Variants in CIITA observed in about 807,000 individuals in gnomAD.
CIITA encodes the protein MHC class II transactivator.
Under a neutral mutation model 115.1 loss-of-function variants are expected in CIITA, and 72 were observed. The observed-to-expected ratio is 0.63, with a 90% confidence interval of 0.52 to 0.76. CIITA has a LOEUF of 0.76. Ranked by LOEUF, CIITA falls within the 30% of genes least tolerant of loss-of-function variation. The probability of loss-of-function intolerance (pLI) is 0.00; values close to 1 mark genes in which losing one functional copy is unlikely to be tolerated. For synonymous variants in CIITA, 763 were observed against 635.6 expected (o/e 1.20, Z -3.02); for missense variants, 1,617 against 1,463.8 (o/e 1.10, Z -1.71).
downstream of CIITA, chr16:10,938,460 T>C (rs947907924): frequency 2.6e-5 from 4 of 152,128 alleles, no homozygotes; most frequent in African/African-American, 9.7e-5. This position sits in a 1 kb window ranked among gnomAD's most constrained non-coding sequence, Gnocchi z 4.9. Flanking sequence ...TCCACGCCCT[T>C]AGTCACTGTT....
In CIITA at chr16:10,923,433, C is replaced by G; in HGVS notation, c.*22+108C>G. 1.2e-6 allele frequency: 1 copy of G among 853,592 alleles called. No individual in the cohort carries two copies. The highest frequency in any genetic ancestry group is 1.7e-5 in the African/African-American group (1 of 60,454). The allele number at this position is 853,592 out of a possible 1,614,324, so 52.9% of individuals were successfully genotyped here. On this transcript the variant is annotated intron_variant, in intron 19 of 19. Transcript: ENST00000324288. The surrounding 1 kb of genome is among the most constrained non-coding windows in gnomAD (Gnocchi z 5.2). ...GCGGGACACAGGTGGGGCTAGGCCA[C>G]CACCCTTGGACGCATGCGTCATCAG...
Position 10,916,404 on chromosome 16 carries a change from G to T in CIITA, c.3007G>T (p.Gly1003Cys). The part of the protein sequence containing the change: ...ALSENKIGDE[G>C]VSQLSATFPQ... ...GAGTGAGAACAAGATCGGGGACGAG[G>T]GTGTCTCGCAGCTCTCAGCCACCTT... Residue 1003 changes from glycine (G) to cysteine (C), a missense_variant, in exon 15 of 20, where the codon GGT becomes TGT. Gly to Cys is a radical substitution (Grantham distance 159, BLOSUM62 -3). Coordinates refer to ENST00000324288, the MANE Select transcript of CIITA (RefSeq NM_000246.4). The T allele has an allele frequency of 6.2e-7, 1 of 1,613,798 alleles. No individual in the cohort carries two copies. The highest frequency in any genetic ancestry group is 1.1e-5 in the South Asian group (1 of 90,990).
In CIITA at chr16:10,901,533, G is replaced by A. The variant is rs151317882; in HGVS notation, c.456G>A (p.Pro152=). 244 of 1,614,014 alleles carry A rather than the reference G, an allele frequency of 1.5e-4. No individual in the cohort carries two copies. The African/African-American group carries it at 1.6e-3, about 10-fold the overall frequency. ...CTGCAGCCTTCCCAGAGGAGCTTCC[G>A]GCAGACCTGAAGCACTGGAAGCCAG... ...SQKRPFPEEL[P]ADLKHWKPAE... The change falls in exon 6 of 20, where the codon CCG becomes CCA. Residue 152 remains proline (P), a synonymous_variant. Transcript: ENST00000324288. This position sits in a 1 kb window ranked among gnomAD's most constrained non-coding sequence, Gnocchi z 6.8.
intron 1 of CIITA, among the ~76,000 whole-genome samples, chr16:10,868,008 C>G (rs1269683832): frequency 6.6e-6 from 1 of 152,190 alleles, no homozygotes; most frequent in Non-Finnish European, 1.5e-5. Flanking sequence ...GCGATCCTCC[C>G]ACCTTGGCCT....
At position 10,907,141 on chromosome 16, in the gene CIITA, G is replaced by A. The variant is rs773228525; in HGVS notation, c.1649G>A (p.Arg550Gln). 1.7e-5 allele frequency: 28 copies of A among 1,612,544 alleles called. No individual in the cohort carries two copies. Among genetic ancestry groups the A allele is most frequent in the Non-Finnish European group, 2.2e-5 (26 of 1,179,834 alleles). The change falls in exon 11 of 20, where the codon CGG becomes CAG. Residue 550 changes from arginine (R) to glutamine (Q), a missense_variant. Transcript: ENST00000324288. The surrounding 1 kb of genome is among the most constrained non-coding windows in gnomAD (Gnocchi z 5.0). ...ACCCTCCTCCTCACAGCCCGGCCCCGGGGCCGCCTGGTCCAGAGCCTGAGC... is the reference window on the plus strand; with the variant it reads ...ACCCTCCTCCTCACAGCCCGGCCCCAGGGCCGCCTGGTCCAGAGCCTGAGC... ...GCTLLLTARP[R>Q]GRLVQSLSKA... is the part of the protein sequence containing the mutation.
At chr16:10,870,235 G>A (rs1315298469) in intron 1 of CIITA, among the ~76,000 whole-genome samples, 1 of 150,084 alleles carries the variant, frequency 6.7e-6, no homozygotes, top group Non-Finnish European at 1.5e-5. Flanking sequence ...AACCCAAGGG[G>A]CTACCGTAAA....
At chr16:10,909,237 C>T (rs575260711) in intron 12 of CIITA, 50 bp downstream of exon 12, 1 of 1,588,334 alleles carries the variant, frequency 6.3e-7, no homozygotes, top group South Asian at 1.1e-5. Context: ...AGGTTGAGGA[C>T]ATGTAGGACC....
intron 13 of CIITA, 80 bp from the exon 14 acceptor site, chr16:10,915,490 C>T: frequency 8.6e-7 from 1 of 1,157,748 alleles, no homozygotes; most frequent in Non-Finnish European, 1.3e-6. Flanking sequence ...ACTTCTGTGC[C>T]TTGTCTCTGC....
intron 18 of CIITA, chr16:10,922,984 G>A (rs2040356330): frequency 3.5e-6 from 2 of 574,780 alleles, no homozygotes; most frequent in Non-Finnish European, 3.1e-6. Flanking sequence ...GGAAAATAAA[G>A]CACAGAGCAG....
rs35976871 is a variant in CIITA at position 10,907,778 on chromosome 16, C to A, written c.2286C>A (p.Ile762=). Residue 762 remains isoleucine, a synonymous_variant, in exon 11 of 20, where the codon ATC becomes ATA. Transcript: ENST00000324288. The surrounding 1 kb of genome is among the most constrained non-coding windows in gnomAD (Gnocchi z 5.0). ...TGCCACGCTTTCTGGCTGGGCTGAT[C>A]TTCCAGCCTCCCGCCCGCTGCCTGG... ...EGVPRFLAGL[I]FQPPARCLGA... is the part of the protein sequence containing the mutation. 4,036 of 1,614,204 alleles carry A rather than the reference C, an allele frequency of 2.5e-3. 97 individuals are homozygous for A. In the African/African-American group the frequency reaches 0.048, roughly 19 times the overall value.
At position 10,918,541 on chromosome 16, in the gene CIITA, G is replaced by T; in HGVS notation, c.3149+15G>T. The T allele has an allele frequency of 4.3e-6, 7 of 1,612,410 alleles. No individual in the cohort carries two copies. Among genetic ancestry groups the T allele is most frequent in the Non-Finnish European group, 5.9e-6 (7 of 1,178,856 alleles). On this transcript the variant is annotated intron_variant, in intron 16 of 19. Coordinates refer to ENST00000324288, the MANE Select transcript of CIITA (RefSeq NM_000246.4). ...CTCAGGCTAAGGTGAGTGGGGCCCCGGATACCGGTCAGGTGCTGAGCTGGG... is the reference window on the plus strand; with the variant it reads ...CTCAGGCTAAGGTGAGTGGGGCCCCTGATACCGGTCAGGTGCTGAGCTGGG...
Position 10,922,317 on chromosome 16 carries a change from G to C in CIITA, c.3233+67G>C, listed in dbSNP as rs936283642. ...TGGGAGACACTGAAGTCTCTCCCTG[G>C]TGTCCTGGAAGAGCTGGATGTGGGG... On this transcript the variant is annotated intron_variant, in intron 17 of 19. Coordinates refer to ENST00000324288, the MANE Select transcript of CIITA (RefSeq NM_000246.4). The C allele has an allele frequency of 4.4e-6, 7 of 1,606,670 alleles. No individual in the cohort carries two copies. The African/African-American group carries it at 9.4e-5, about 21-fold the overall frequency.
chr16:10,880,272 C>T (rs2036285796), intron 1 of CIITA, among the ~76,000 whole-genome samples: 1 of 152,070 alleles, frequency 6.6e-6, no homozygotes. Context: ...TGTAGGTTCC[C>T]GGGCTCACCC....
At chr16:10,888,123 C>T (rs764259275) in intron 1 of CIITA, among the ~76,000 whole-genome samples, 3 of 152,156 alleles carry the variant, frequency 2.0e-5, no homozygotes, top group East Asian at 1.9e-4. Context: ...ATGGTCATCA[C>T]GCATATTGTA....
At chr16:10,875,305 T>C (rs2035756411), upstream of CIITA, among the ~76,000 whole-genome samples, 1 of 152,218 alleles carries the variant, frequency 6.6e-6, no homozygotes, top group South Asian at 2.1e-4. Flanking sequence ...TTAGCCCCAC[T>C]AAGCAAGGCT....
chr16:10,898,204 G>C (rs756900500), intron 3 of CIITA, among the ~76,000 whole-genome samples: 4 of 152,080 alleles, frequency 2.6e-5, no homozygotes, highest in Non-Finnish European at 5.9e-5. Context: ...TATTTACTGA[G>C]TGCCTACTGT....
intron 12 of CIITA, among the ~76,000 whole-genome samples, chr16:10,909,652 G>C (rs931096002): frequency 3.3e-5 from 5 of 152,240 alleles, no homozygotes; most frequent in Non-Finnish European, 5.9e-5. Context: ...CGCCTCTTAA[G>C]TGCTGTCTGG....
Position 10,908,061 on chromosome 16 carries a change from C to G in CIITA, c.2569C>G (p.Gln857Glu). ...GGGCAAGGCCTTGGAGGCGGCGGGCCAAGACTTCTCCCTGGACCTCCGCAG... is the reference window on the plus strand; with the variant it reads ...GGGCAAGGCCTTGGAGGCGGCGGGCGAAGACTTCTCCCTGGACCTCCGCAG... ...VLGKALEAAG[Q>E]DFSLDLRSTG... The change falls in exon 11 of 20, where the codon CAA becomes GAA. Residue 857 changes from glutamine to glutamate, a missense_variant. Physicochemically the swap from Gln to Glu is conservative, Grantham distance 29 (BLOSUM62 2). Coordinates refer to ENST00000324288, the MANE Select transcript of CIITA (RefSeq NM_000246.4). 1 of 1,613,128 alleles carries G rather than the reference C, an allele frequency of 6.2e-7. No homozygotes were observed. The highest frequency in any genetic ancestry group is 8.5e-7 in the Non-Finnish European group (1 of 1,179,636).
intron 13 of CIITA, among the ~76,000 whole-genome samples, chr16:10,913,868 G>C (rs1424077300): frequency 6.6e-6 from 1 of 151,910 alleles, no homozygotes; most frequent in Non-Finnish European, 1.5e-5. Flanking sequence ...TTGAAACCGG[G>C]AGGCGGAGGT....
Sources: gnomAD v4.1 joint callset for allele counts (sites outside exome capture counted in the v4.1 genomes callset) on GRCh38, gnomAD v4.1.1 for gene constraint, Gnocchi (gnomAD v3.1) non-coding constraint, MANE v1.5 for transcripts, NCBI Gene and HGNC (gene_info 2026-07-23, HGNC 2026-07-21) for gene names.